LRMDA: variants seen among roughly 807,000 people sequenced by gnomAD.
The protein encoded by LRMDA is leucine-rich melanocyte differentiation-associated protein.
A neutral mutation model predicts 29.8 loss-of-function variants in LRMDA; 18 were observed. The ratio of observed to expected loss-of-function variants is 0.60; its 90% CI spans 0.42 to 0.90. The LOEUF (loss-of-function observed/expected upper bound fraction) is 0.90, where lower values mean the gene tolerates loss of function less well. LRMDA is among the 40% of genes least tolerant of loss of function. The pLI is 0.00. For missense variants in LRMDA, 273 were observed against 273.9 expected (o/e 1.00, Z 0.02); for synonymous variants, 125 against 109.4 (o/e 1.14, Z -0.89).
At chr10:75,849,434 T>A (rs960582191) in intron 2 of LRMDA, among the ~76,000 whole-genome samples, 1 of 151,960 alleles carries the variant, frequency 6.6e-6, no homozygotes, top group South Asian at 2.1e-4. Context: ...TAAAAAGGAA[T>A]GAGATCATGT....
chr10:76,363,176 A>AGAAAGAAAGAGGGAGGGAG lies in LRMDA; in HGVS notation c.601+38692_601+38693insAAAGAAAGAGGGAGGGAGG, dbSNP rs1459442138. Among the ~76,000 whole-genome samples, 89 of 21,794 alleles carry AGAAAGAAAGAGGGAGGGAG rather than the reference A, an allele frequency of 4.1e-3. 8 individuals carry two copies. Among genetic ancestry groups the AGAAAGAAAGAGGGAGGGAG allele is most frequent in the African/African-American group, 0.01 (71 of 6,898 alleles). 14.3% of individuals were successfully genotyped at this position (21,794 alleles called of 152,430 possible). ...AAGAAAGAAAGAAAGAAAGAAAGAA[A>AGAAAGAAAGAGGGAGGGAG]GGAGGGAGGGAGGGAGGGAGGGAGG... On this transcript the variant is annotated intron_variant, in intron 6 of 6. Coordinates refer to ENST00000611255, the MANE Select transcript of LRMDA (RefSeq NM_001305581.2).
chr10:76,401,609 A>G lies in LRMDA; in HGVS notation c.601+77124A>G, dbSNP rs528271127. Among the ~76,000 whole-genome samples the G allele has an allele frequency of 2.0e-5, 3 of 152,280 alleles. No individual in the cohort carries two copies. In the East Asian group the frequency reaches 5.8e-4, roughly 29 times the overall value. ...TCTCCTCACCCTCCCACCATGGCAGAGGCCTGGGCACAACCACAGGGAGAG... is the reference window on the plus strand; with the variant it reads ...TCTCCTCACCCTCCCACCATGGCAGGGGCCTGGGCACAACCACAGGGAGAG... On this transcript the variant is annotated intron_variant, in intron 6 of 6. Transcript: ENST00000611255.
At chr10:75,506,840 G>T (rs760917528) in intron 2 of LRMDA, among the ~76,000 whole-genome samples, 1 of 152,172 alleles carries the variant, frequency 6.6e-6, no homozygotes, top group Non-Finnish European at 1.5e-5. Context: ...GGTTGTTGTG[G>T]GAGGTTCTCT....
At chr10:76,043,523 T>C (rs1289105433) in intron 3 of LRMDA, among the ~76,000 whole-genome samples, 1 of 151,180 alleles carries the variant, frequency 6.6e-6, no homozygotes, top group Non-Finnish European at 1.5e-5. Flanking sequence ...CTCCACAGAT[T>C]ATAGTGTAAA....
chr10:76,070,605 G>C (rs779244110), intron 5 of LRMDA, among the ~76,000 whole-genome samples: 3 of 152,240 alleles, frequency 2.0e-5, no homozygotes, highest in Non-Finnish European at 4.4e-5. Context: ...GAGCTTGAAC[G>C]TGTGAATTTG....
At chr10:75,629,197 G>A (rs1345446430) in intron 2 of LRMDA, among the ~76,000 whole-genome samples, 1 of 152,176 alleles carries the variant, frequency 6.6e-6, no homozygotes, top group Non-Finnish European at 1.5e-5. Context: ...AAAGCTGGGA[G>A]GTTGACTTAG....
chr10:76,317,207 G>T (rs1589424864), intron 5 of LRMDA, among the ~76,000 whole-genome samples: 1 of 152,210 alleles, frequency 6.6e-6, no homozygotes, highest in South Asian at 2.1e-4. Flanking sequence ...ACATGTTACT[G>T]ATCTTTCCTA....
chr10:75,832,685 G>A (rs1033039467), intron 2 of LRMDA, among the ~76,000 whole-genome samples: 4 of 152,192 alleles, frequency 2.6e-5, no homozygotes, highest in African/African-American at 9.7e-5. Flanking sequence ...AAAAGAAAGA[G>A]GTTTAATTAG....
At chr10:76,460,738 C>T (rs1465931177) in intron 6 of LRMDA, among the ~76,000 whole-genome samples, 1 of 152,218 alleles carries the variant, frequency 6.6e-6, no homozygotes, top group Non-Finnish European at 1.5e-5. Context: ...ACCACCAGCA[C>T]TCTTCATTTC....
At chr10:75,744,560 C>G (rs917986172) in intron 2 of LRMDA, among the ~76,000 whole-genome samples, 1 of 152,118 alleles carries the variant, frequency 6.6e-6, no homozygotes, top group African/African-American at 2.4e-5. Context: ...CTGGAAGAGG[C>G]CTTGGAGACC....
rs368527973 is a variant in LRMDA, at chr10:75,908,483, T to C, written c.132-127525T>C. 7.9e-5 allele frequency among the ~76,000 whole-genome samples: 12 copies of C among 152,220 alleles called. No individual in the cohort carries two copies. The South Asian group carries it at 1.9e-3, about 24-fold the overall frequency. On this transcript the variant is annotated intron_variant, in intron 2 of 6. Transcript: ENST00000611255. Reference sequence around the variant, plus strand: ...TTACAAGAAGTTATCATGTAGTATGTCTATAGTTAAATTTACATACTTGTG... The same window carrying C: ...TTACAAGAAGTTATCATGTAGTATGCCTATAGTTAAATTTACATACTTGTG...
In LRMDA at chr10:76,281,574, C is replaced by A. The variant is rs921519361; in HGVS notation, c.517-42827C>A. ...CCTGGACAACTACCATTCCCCCAAC[C>A]CCCCCATCATCCATGAATTTTCTTC... On this transcript the variant is annotated intron_variant, in intron 5 of 6. Coordinates refer to ENST00000611255, the MANE Select transcript of LRMDA (RefSeq NM_001305581.2). Among the ~76,000 whole-genome samples the A allele has an allele frequency of 1.7e-4, 26 of 152,228 alleles. No individual in the cohort carries two copies. The South Asian group carries it at 4.4e-3, about 26-fold the overall frequency.
intron 2 of LRMDA, among the ~76,000 whole-genome samples, chr10:75,703,426 T>C (rs1194819500): frequency 6.6e-6 from 1 of 152,232 alleles, no homozygotes; most frequent in African/African-American, 2.4e-5. Context: ...CTGTAATTAG[T>C]GGTGTAATAC....
intron 2 of LRMDA, among the ~76,000 whole-genome samples, chr10:75,888,993 T>C (rs1589242126): frequency 6.6e-6 from 1 of 152,220 alleles, no homozygotes; most frequent in East Asian, 1.9e-4. Context: ...AATTTCTTTC[T>C]TCCTCTGCCC....
chr10:75,515,646 C>G (rs909540263), intron 2 of LRMDA, among the ~76,000 whole-genome samples: 1 of 152,090 alleles, frequency 6.6e-6, no homozygotes, highest in Admixed American at 6.6e-5. Context: ...TCTCAAAGAG[C>G]TGGGAATATA....
intron 5 of LRMDA, among the ~76,000 whole-genome samples, chr10:76,147,558 G>A (rs1199860132): frequency 6.6e-6 from 1 of 152,004 alleles, no homozygotes; most frequent in African/African-American, 2.4e-5. Flanking sequence ...GGACTTCTCT[G>A]CATTGGTTAT....
intron 5 of LRMDA, among the ~76,000 whole-genome samples, chr10:76,278,189 G>A (rs894378547): frequency 1.3e-5 from 2 of 152,142 alleles, no homozygotes. Context: ...GTTAACCCTA[G>A]AGTCTTCTGG....
At chr10:75,553,218 T>C (rs995290361) in intron 2 of LRMDA, among the ~76,000 whole-genome samples, 1 of 152,192 alleles carries the variant, frequency 6.6e-6, no homozygotes, top group African/African-American at 2.4e-5. Flanking sequence ...GATGTTAGTG[T>C]GGGTAGTTGA....
intron 5 of LRMDA, among the ~76,000 whole-genome samples, chr10:76,102,128 A>G (rs1000610515): frequency 1.4e-4 from 22 of 152,296 alleles, no homozygotes; most frequent in Non-Finnish European, 2.6e-4. Context: ...TGACTGAATA[A>G]TACTCCTTTG....
Sources: gnomAD v4.1 joint callset for allele counts (sites outside exome capture counted in the v4.1 genomes callset) on GRCh38, gnomAD v4.1.1 for gene constraint, MANE v1.5 for transcripts, NCBI Gene and HGNC (gene_info 2026-07-23, HGNC 2026-07-21) for gene names.